The following FAM135B variants were observed in gnomAD, a reference collection of about 807,000 sequenced individuals.
The protein encoded by FAM135B is protein FAM135B.
FAM135B carries 43 observed loss-of-function variants against 127.7 expected under a neutral mutation model. The ratio of observed to expected loss-of-function variants is 0.34; its 90% CI spans 0.26 to 0.43. The LOEUF (loss-of-function observed/expected upper bound fraction) is 0.43, where lower values mean the gene tolerates loss of function less well. Among genes scored for constraint, FAM135B ranks in the 20% least tolerant of loss-of-function variants. FAM135B has a pLI of 1.00. For missense variants in FAM135B, 1,558 were observed against 1,725.6 expected (o/e 0.90, Z 1.72); for synonymous variants, 670 against 665.1 (o/e 1.01, Z -0.11).
intron 1 of FAM135B, among the ~76,000 whole-genome samples, chr8:138,397,525 C>A (rs548257422): frequency 1.3e-5 from 2 of 152,294 alleles, no homozygotes; most frequent in African/African-American, 4.8e-5. Context: ...TAAATTTCAT[C>A]TCTAATAGCA....
intron 1 of FAM135B, among the ~76,000 whole-genome samples, chr8:138,463,411 G>C (rs956171893): frequency 3.3e-5 from 5 of 152,166 alleles, no homozygotes; most frequent in African/African-American, 1.2e-4. Flanking sequence ...TATCAGGAAA[G>C]GGGGTGGGTG....
chr8:138,189,750 C>T (rs960142798), intron 9 of FAM135B, among the ~76,000 whole-genome samples: 3 of 152,180 alleles, frequency 2.0e-5, no homozygotes, highest in Non-Finnish European at 4.4e-5. Context: ...AGCCAGCTAG[C>T]TCCAGTGCCT....
At chr8:138,454,257 C>T (rs1268138891) in intron 1 of FAM135B, among the ~76,000 whole-genome samples, 3 of 152,090 alleles carry the variant, frequency 2.0e-5, no homozygotes, top group Non-Finnish European at 2.9e-5. Context: ...CCAATTCTCC[C>T]GGCCAAAAAA....
chr8:138,277,098 A>G (rs1390136528), intron 3 of FAM135B, among the ~76,000 whole-genome samples: 3 of 152,068 alleles, frequency 2.0e-5, no homozygotes, highest in African/African-American at 7.2e-5. Flanking sequence ...CTGCAGCTCG[A>G]GTTTTGTCTT....
At chr8:138,298,214 G>T (rs556562019) in intron 3 of FAM135B, among the ~76,000 whole-genome samples, 1 of 152,248 alleles carries the variant, frequency 6.6e-6, no homozygotes, top group African/African-American at 2.4e-5. Context: ...GGAGTGATCT[G>T]CTGAAAGTAA....
At chr8:138,411,725 G>A (rs558016080) in intron 1 of FAM135B, among the ~76,000 whole-genome samples, 18 of 152,200 alleles carry the variant, frequency 1.2e-4, no homozygotes, top group East Asian at 1.9e-4. Flanking sequence ...GAAAATTTTC[G>A]CAACCTACTC....
chr8:138,479,059 C>T (rs1185029234), intron 1 of FAM135B, among the ~76,000 whole-genome samples: 1 of 152,142 alleles, frequency 6.6e-6, no homozygotes, highest in East Asian at 1.9e-4. Context: ...AGGAAAACAT[C>T]TACTTACATG....
intron 14 of FAM135B, among the ~76,000 whole-genome samples, chr8:138,147,118 G>A (rs1020958520): frequency 6.6e-6 from 1 of 152,230 alleles, no homozygotes; most frequent in East Asian, 1.9e-4. Context: ...TAGAGTCACA[G>A]TCATAAAATG....
intron 9 of FAM135B, among the ~76,000 whole-genome samples, chr8:138,191,909 C>T (rs1816163281): frequency 6.6e-6 from 1 of 152,202 alleles, no homozygotes; most frequent in Non-Finnish European, 1.5e-5. Context: ...GGCCAGACCT[C>T]ATGGACTTCA....
intron 11 of FAM135B, among the ~76,000 whole-genome samples, chr8:138,173,997 T>C (rs4493955): frequency 0.53 from 80,201 of 152,002 alleles, 21,747 homozygotes; most frequent in East Asian, 0.81. Flanking sequence ...TGGCGAAAGA[T>C]GGTCTTCATT....
intron 1 of FAM135B, among the ~76,000 whole-genome samples, chr8:138,409,861 C>G (rs1220095436): frequency 9.0e-6 from 1 of 111,150 alleles, no homozygotes; most frequent in African/African-American, 3.6e-5. Context: ...GCCTGGGCGA[C>G]AGAGTAAGAC....
chr8:138,185,438 C>T (rs887401555), intron 9 of FAM135B, among the ~76,000 whole-genome samples: 5 of 152,130 alleles, frequency 3.3e-5, no homozygotes, highest in South Asian at 2.1e-4. Context: ...GAATCACGGA[C>T]TTCAAAAGGA....
intron 1 of FAM135B, among the ~76,000 whole-genome samples, chr8:138,453,471 G>A (rs1358775116): frequency 6.7e-6 from 1 of 150,218 alleles, no homozygotes; most frequent in African/African-American, 2.4e-5. Flanking sequence ...CATGACGTAA[G>A]AGAAGTATAT....
At chr8:138,368,718 C>T (rs1345664046) in intron 1 of FAM135B, among the ~76,000 whole-genome samples, 1 of 151,820 alleles carries the variant, frequency 6.6e-6, no homozygotes, top group African/African-American at 2.4e-5. Context: ...TACTGGGGGT[C>T]AGTAACAAGA....
chr8:138,291,080 A>T (rs1223006578), intron 3 of FAM135B, among the ~76,000 whole-genome samples: 1 of 152,170 alleles, frequency 6.6e-6, no homozygotes, highest in East Asian at 1.9e-4. Flanking sequence ...CTGAAAAATT[A>T]TCAAATATCT....
intron 9 of FAM135B, among the ~76,000 whole-genome samples, chr8:138,190,451 A>G (rs1170578633): frequency 6.6e-6 from 1 of 152,376 alleles, no homozygotes; most frequent in Non-Finnish European, 1.5e-5. Flanking sequence ...GACTCCTTGT[A>G]GCAAGAAAAT....
intron 7 of FAM135B, among the ~76,000 whole-genome samples, chr8:138,235,916 G>A (rs1270437071): frequency 6.6e-6 from 1 of 152,138 alleles, no homozygotes; most frequent in Non-Finnish European, 1.5e-5. Context: ...GTAAAACAAA[G>A]GAAGGAGGAT....
chr8:138,495,401 T>G (rs1304628167), intron 1 of FAM135B, among the ~76,000 whole-genome samples: 1 of 152,204 alleles, frequency 6.6e-6, no homozygotes, highest in Non-Finnish European at 1.5e-5. Context: ...TAAGCTCTGA[T>G]AACATCATCC....
chr8:138,181,727 T>C (rs1014090514), intron 9 of FAM135B, among the ~76,000 whole-genome samples: 2 of 152,180 alleles, frequency 1.3e-5, no homozygotes, highest in African/African-American at 4.8e-5. Context: ...TTTCAACTTT[T>C]GTTTTAAATT....
Sources: allele counts gnomAD v4.1 joint callset (sites outside exome capture counted in the v4.1 genomes callset), GRCh38; gene constraint gnomAD v4.1.1; transcripts MANE v1.5; gene names NCBI Gene and HGNC (gene_info 2026-07-23, HGNC 2026-07-21).